GJA1: variants seen among roughly 807,000 people sequenced by gnomAD.
GJA1 encodes the protein gap junction alpha-1 protein.
GJA1 carries 9 observed loss-of-function variants against 31.0 expected under a neutral mutation model. The observed-to-expected ratio is 0.29, with a 90% CI of 0.17 to 0.51. GJA1 has a LOEUF of 0.51. Ranked by LOEUF, GJA1 falls within the 20% of genes least tolerant of loss-of-function variation. The probability of loss-of-function intolerance (pLI) is 0.98; values close to 1 mark genes in which losing one functional copy is unlikely to be tolerated. For missense variants in GJA1, 278 were observed against 468.8 expected (o/e 0.59, Z 3.76); for synonymous variants, 186 against 180.1 (o/e 1.03, Z -0.26).
At chr6:121,440,979 G>C (rs1773768510) in intron 1 of GJA1, among the ~76,000 whole-genome samples, 1 of 147,118 alleles carries the variant, frequency 6.8e-6, no homozygotes, top group Non-Finnish European at 1.5e-5. Context: ...GTCTCGCTCT[G>C]TCGCCCAGGC....
chr6:121,442,121 C>G (rs1773803906), intron 1 of GJA1, among the ~76,000 whole-genome samples: 1 of 152,218 alleles, frequency 6.6e-6, no homozygotes, highest in Middle Eastern at 3.4e-3. Context: ...CTTCTCTTTT[C>G]TTTCAATCAT....
intron 1 of GJA1, among the ~76,000 whole-genome samples, chr6:121,443,670 A>G (rs1450620426): frequency 1.3e-5 from 2 of 150,944 alleles, no homozygotes; most frequent in African/African-American, 4.9e-5. Flanking sequence ...ATGTAAATAA[A>G]CTTAGTGATG....
At chr6:121,436,602 G>T (rs1399188382) in intron 1 of GJA1, among the ~76,000 whole-genome samples, 1 of 152,184 alleles carries the variant, frequency 6.6e-6, no homozygotes, top group Non-Finnish European at 1.5e-5. Context: ...TTGAATGGGT[G>T]GTGGCTAGTT....
At chr6:121,437,881 G>A (rs1180937901) in intron 1 of GJA1, among the ~76,000 whole-genome samples, 1 of 152,154 alleles carries the variant, frequency 6.6e-6, no homozygotes, top group Non-Finnish European at 1.5e-5. Flanking sequence ...GGGCGCATTT[G>A]AACTCGGTGA....
At chr6:121,445,720 G>A (rs1353324157) in intron 1 of GJA1, among the ~76,000 whole-genome samples, 1 of 152,146 alleles carries the variant, frequency 6.6e-6, no homozygotes, top group Non-Finnish European at 1.5e-5. Context: ...TTTAGTCTTT[G>A]TTTTTCAAAG....
chr6:121,436,780 T>G (rs1310141657), intron 1 of GJA1, among the ~76,000 whole-genome samples: 1 of 152,196 alleles, frequency 6.6e-6, no homozygotes, highest in African/African-American at 2.4e-5. Context: ...TTCCCTCTGC[T>G]CGAACCTGTA....
chr6:121,436,343 TG>T (rs1773663667), intron 1 of GJA1, among the ~76,000 whole-genome samples: 7 of 152,196 alleles, frequency 4.6e-5, no homozygotes. Context: ...TCTATAGCTT[TG>T]CAAAGCCAAC....
intron 1 of GJA1, among the ~76,000 whole-genome samples, chr6:121,439,078 G>C (rs9490260): frequency 6.6e-6 from 1 of 152,008 alleles, no homozygotes; most frequent in African/African-American, 2.4e-5. Context: ...TGGGAGGATC[G>C]CTTGGGGCCA....
At chr6:121,445,752 A>G (rs1396972127) in intron 1 of GJA1, among the ~76,000 whole-genome samples, 1 of 152,222 alleles carries the variant, frequency 6.6e-6, no homozygotes, top group Non-Finnish European at 1.5e-5. Flanking sequence ...ATATAATGAC[A>G]CATTGTAGCA....
At chr6:121,445,658 C>T (rs1373926820) in intron 1 of GJA1, among the ~76,000 whole-genome samples, 1 of 152,142 alleles carries the variant, frequency 6.6e-6, no homozygotes, top group Admixed American at 6.5e-5. Flanking sequence ...TTTAATAAGG[C>T]TGTGAGTAGT....
intron 1 of GJA1, among the ~76,000 whole-genome samples, chr6:121,436,156 AAT>A (rs1428339123): frequency 9.6e-6 from 1 of 104,080 alleles, no homozygotes; most frequent in African/African-American, 4.0e-5. Context: ...TGTAATCAGT[AAT>A]AGTCTAGGTG....
rs373026456 is a variant in GJA1, at chr6:121,436,792, C to A, written c.-17+960C>A. ...ACCTTCCCTCTGCTCGAACCTGTAA[C>A]AGAATTCAGAACTCTGGGGCAGTTC... On this transcript the variant is annotated intron_variant, in intron 1 of 1. Coordinates refer to ENST00000282561, the MANE Select transcript of GJA1 (RefSeq NM_000165.5). Among the ~76,000 whole-genome samples, 6 of 152,316 alleles carry A rather than the reference C, an allele frequency of 3.9e-5. No homozygotes were observed. In the East Asian group the frequency reaches 1.2e-3, roughly 29 times the overall value.
At position 121,447,781 on chromosome 6, in the gene GJA1, A is replaced by T; in HGVS notation, c.934A>T (p.Asn312Tyr). 6.2e-7 allele frequency: 1 copy of T among 1,614,032 alleles called. No individual in the cohort carries two copies. Among genetic ancestry groups the T allele is most frequent in the Non-Finnish European group, 8.5e-7 (1 of 1,179,968 alleles). Reference sequence around the variant, plus strand: ...GCAAGCAAGTGAGCAAAACTGGGCTAATTACAGTGCAGAACAAAATCGAAT... The same window carrying T: ...GCAAGCAAGTGAGCAAAACTGGGCTTATTACAGTGCAGAACAAAATCGAAT... ...NKQASEQNWA[N>Y]YSAEQNRMGQ... Residue 312 changes from asparagine to tyrosine, a missense_variant, in exon 2 of 2, where the codon AAT (asparagine) becomes TAT (tyrosine). By Grantham distance (143) the Asn-to-Tyr change is moderately radical. This residue lies in a region of GJA1 where 172 missense variants were observed against 190.9 expected (regional missense o/e 0.90). Transcript: ENST00000282561.
intron 1 of GJA1, among the ~76,000 whole-genome samples, chr6:121,446,575 C>T (rs746523767): frequency 6.6e-6 from 1 of 152,142 alleles, no homozygotes; most frequent in Non-Finnish European, 1.5e-5. Flanking sequence ...ATACACCTTC[C>T]CAGGTTAAAG....
chr6:121,438,753 T>C (rs1773712858), intron 1 of GJA1, among the ~76,000 whole-genome samples: 1 of 152,228 alleles, frequency 6.6e-6, no homozygotes, highest in African/African-American at 2.4e-5. Flanking sequence ...GTATGGATAA[T>C]TCAAGTTTTA....
rs1275498853 is a variant in GJA1, at chr6:121,436,620, A to G, written c.-17+788A>G. ...AATGGGTGGTGGCTAGTTACAGAGCATTAGAGATCAGACGTTTAAAAAAGA... is the reference window on the plus strand; with the variant it reads ...AATGGGTGGTGGCTAGTTACAGAGCGTTAGAGATCAGACGTTTAAAAAAGA... On this transcript the variant is annotated intron_variant, in intron 1 of 1. Transcript: ENST00000282561. Among the ~76,000 whole-genome samples, 6 of 152,188 alleles carry G rather than the reference A, an allele frequency of 3.9e-5. No homozygotes were observed. The East Asian group carries it at 1.2e-3, about 29-fold the overall frequency.
rs1773905008 is a variant in GJA1 at position 121,447,335 on chromosome 6, C to T, written c.488C>T (p.Ser163Phe). Residue 163 changes from serine to phenylalanine, a missense_variant, in exon 2 of 2, where the codon TCT becomes TTT. Physicochemically the swap from Ser to Phe is radical, Grantham distance 155. Around this residue, in one of 3 missense-constraint regions of GJA1, gnomAD observed 80 missense variants for 163.5 expected, o/e 0.49. Coordinates refer to ENST00000282561, the MANE Select transcript of GJA1 (RefSeq NM_000165.5). ...RTYIISILFK[S>F]IFEVAFLLIQ... ...TACATCATCAGTATCCTCTTCAAGT[C>T]TATCTTTGAGGTGGCCTTCTTGCTG... The T allele has an allele frequency of 6.2e-7, 1 of 1,613,950 alleles. No homozygotes were observed. The highest frequency in any genetic ancestry group is 8.5e-7 in the Non-Finnish European group (1 of 1,179,972).
rs768844689 is a variant in GJA1 at position 121,447,193 on chromosome 6, G to T, written c.346G>T (p.Ala116Ser). Residue 116 changes from alanine (A) to serine (S), a missense_variant, in exon 2 of 2, where the codon GCC becomes TCC. Ala to Ser is a moderately conservative substitution (Grantham distance 99, BLOSUM62 1). This residue lies in a region of GJA1 where 80 missense variants were observed against 163.5 expected (regional missense o/e 0.49). Transcript: ENST00000282561. ...CAAGAAAGAGGAAGAACTCAAGGTT[G>T]CCCAAACTGATGGTGTCAATGTGGA... is the stretch of plus-strand genomic sequence containing the variant. Reference protein sequence around the residue: ...LNKKEEELKVAQTDGVNVDMH... With the variant: ...LNKKEEELKVSQTDGVNVDMH... 1 of 1,614,000 alleles carries T rather than the reference G, an allele frequency of 6.2e-7. No homozygotes were observed. The highest frequency in any genetic ancestry group is 8.5e-7 in the Non-Finnish European group (1 of 1,179,916).
At chr6:121,439,162 T>A (rs35131266) in intron 1 of GJA1, among the ~76,000 whole-genome samples, 5,339 of 152,210 alleles carry the variant, frequency 0.035, 301 homozygotes, top group African/African-American at 0.12. Context: ...AGAAAATGTA[T>A]GTTTGTCAAT....
Sources: gnomAD v4.1 joint callset for allele counts (sites outside exome capture counted in the v4.1 genomes callset) on GRCh38, gnomAD v4.1.1 for gene constraint, gnomAD v4.1.1 regional missense constraint, MANE v1.5 for transcripts, NCBI Gene and HGNC (gene_info 2026-07-23, HGNC 2026-07-21) for gene names.